TMEM117: variants seen among roughly 807,000 people sequenced by gnomAD.
TMEM117 encodes transmembrane protein 117.
A neutral mutation model predicts 52.4 loss-of-function variants in TMEM117; 27 were observed. The observed-to-expected ratio is 0.51, with a 90% CI of 0.38 to 0.71. The LOEUF (loss-of-function observed/expected upper bound fraction) is 0.71. TMEM117 is among the 30% of genes least tolerant of loss of function. TMEM117 has a pLI of 0.00. For missense variants in TMEM117, 556 were observed against 630.5 expected (o/e 0.88, Z 1.26); for synonymous variants, 215 against 206.3 (o/e 1.04, Z -0.36).
chr12:44,335,247 A>C (rs1951325814), intron 6 of TMEM117, among the ~76,000 whole-genome samples: 1 of 151,980 alleles, frequency 6.6e-6, no homozygotes, highest in Non-Finnish European at 1.5e-5. Flanking sequence ...AGGTGGGGTC[A>C]GAAATATGGA....
At chr12:44,040,383 T>G (rs1946777750) in intron 3 of TMEM117, among the ~76,000 whole-genome samples, 1 of 152,156 alleles carries the variant, frequency 6.6e-6, no homozygotes, top group African/African-American at 2.4e-5. Context: ...CACTGTTTAG[T>G]TTCTTTATGT....
chr12:44,144,990 T>A, intron 4 of TMEM117, among the ~76,000 whole-genome samples: 2 of 151,936 alleles, frequency 1.3e-5, no homozygotes, highest in African/African-American at 4.8e-5. Flanking sequence ...ACCCCATCTC[T>A]ACTAAAAATA....
intron 5 of TMEM117, among the ~76,000 whole-genome samples, chr12:44,238,600 T>C (rs558355128): frequency 2.6e-5 from 4 of 152,058 alleles, no homozygotes; most frequent in Admixed American, 6.6e-5. Flanking sequence ...TGCTTGTGAA[T>C]AGCCACTACA....
intron 3 of TMEM117, among the ~76,000 whole-genome samples, chr12:44,044,882 G>A (rs1946856301): frequency 6.6e-6 from 1 of 152,216 alleles, no homozygotes; most frequent in African/African-American, 2.4e-5. Context: ...CTGATTCATG[G>A]GCTGTAGCCA....
intron 5 of TMEM117, among the ~76,000 whole-genome samples, chr12:44,230,105 T>G (rs988277637): frequency 1.3e-5 from 2 of 152,086 alleles, no homozygotes; most frequent in African/African-American, 4.8e-5. Flanking sequence ...TGGTATTTTT[T>G]TTACTGACTC....
intron 6 of TMEM117, among the ~76,000 whole-genome samples, chr12:44,307,151 C>G (rs1191584315): frequency 6.6e-6 from 1 of 152,150 alleles, no homozygotes; most frequent in African/African-American, 2.4e-5. Context: ...TAGAGCATTT[C>G]TTTTGAGGTC....
chr12:44,044,272 C>A (rs200046989), intron 3 of TMEM117, among the ~76,000 whole-genome samples: 2 of 152,318 alleles, frequency 1.3e-5, no homozygotes, highest in East Asian at 1.9e-4. Context: ...ACAGGTGAAT[C>A]ACACCAGTGT....
In TMEM117 at chr12:43,836,209, G is replaced by GCCC. The variant is rs1943025568; in HGVS notation, c.-29+14_-29+16dup. ...CGCGACCCTTCGGGTGAGTACGTGG[G>GCCC]CCCGGGCGTTGGGCGAGCCTCCCCA... On this transcript the variant is annotated intron_variant, in intron 1 of 7. Coordinates refer to ENST00000266534, the MANE Select transcript of TMEM117 (RefSeq NM_032256.3). 6.6e-6 allele frequency: 1 copy of GCCC among 152,190 alleles called. No individual in the cohort carries two copies. Among genetic ancestry groups the GCCC allele is most frequent in the Admixed American group, 6.5e-5 (1 of 15,286 alleles). The allele number at this position is 152,190 out of a possible 1,614,324, so 9.4% of individuals were successfully genotyped here.
intron 3 of TMEM117, among the ~76,000 whole-genome samples, chr12:44,138,061 A>G (rs1383885007): frequency 6.6e-6 from 1 of 152,122 alleles, no homozygotes; most frequent in African/African-American, 2.4e-5. Context: ...ATAGATAAGG[A>G]AATGGATGAT....
At chr12:44,205,357 A>G (rs1292525660) in intron 4 of TMEM117, among the ~76,000 whole-genome samples, 1 of 152,170 alleles carries the variant, frequency 6.6e-6, no homozygotes, top group Non-Finnish European at 1.5e-5. Context: ...GCCTTCTGCC[A>G]TGATTGTGAG....
At chr12:43,811,656 A>G in the TMEM117 span, among the ~76,000 whole-genome samples, 3,662 of 152,348 alleles carry the variant, frequency 0.024, 72 homozygotes, top group South Asian at 0.072. Flanking sequence ...TTAGTACAAC[A>G]GGGATGCTGT....
intron 6 of TMEM117, among the ~76,000 whole-genome samples, chr12:44,333,051 G>T (rs190198390): frequency 5.9e-5 from 9 of 152,122 alleles, no homozygotes; most frequent in Non-Finnish European, 1.3e-4. Flanking sequence ...AGATGTAAAT[G>T]ATTACTGAAG....
rs571287359 is a variant in TMEM117 at position 44,088,403 on chromosome 12, T to C, written c.411-55122T>C. 3.9e-5 allele frequency among the ~76,000 whole-genome samples: 6 copies of C among 152,322 alleles called. No individual in the cohort carries two copies. The East Asian group carries it at 9.7e-4, about 25-fold the overall frequency. On this transcript the variant is annotated intron_variant, in intron 3 of 7. Transcript: ENST00000266534. Reference sequence around the variant, plus strand: ...AATTATATTCAGGGAAATTAAGTGATTGTCTCACTCAACTAATAAAATTAA... The same window carrying C: ...AATTATATTCAGGGAAATTAAGTGACTGTCTCACTCAACTAATAAAATTAA...
chr12:43,867,735 A>G (rs73096982), intron 2 of TMEM117, among the ~76,000 whole-genome samples: 4,161 of 152,324 alleles, frequency 0.027, 63 homozygotes, highest in Middle Eastern at 0.082. Flanking sequence ...GAAAGGGTCA[A>G]TTCATCTGCA....
chr12:44,212,141 G>T (rs1336999045), intron 5 of TMEM117, among the ~76,000 whole-genome samples: 1 of 152,084 alleles, frequency 6.6e-6, no homozygotes, highest in African/African-American at 2.4e-5. Context: ...GTTACCCTTG[G>T]TCGACTGCAG....
intron 6 of TMEM117, among the ~76,000 whole-genome samples, chr12:44,355,255 A>G (rs142563270): frequency 1.1e-3 from 165 of 152,162 alleles, no homozygotes; most frequent in African/African-American, 3.8e-3. Flanking sequence ...GACTGATCAA[A>G]TTTGTGTTTG....
intron 6 of TMEM117, among the ~76,000 whole-genome samples, chr12:44,366,545 A>G (rs971794162): frequency 6.6e-6 from 1 of 152,052 alleles, no homozygotes; most frequent in African/African-American, 2.4e-5. Flanking sequence ...TTCCTCTCTT[A>G]CATGAGGATG....
intron 4 of TMEM117, among the ~76,000 whole-genome samples, chr12:44,167,035 G>T (rs966470464): frequency 6.6e-6 from 1 of 152,090 alleles, no homozygotes; most frequent in African/African-American, 2.4e-5. Flanking sequence ...GTCTCTTGTG[G>T]GATTATTACA....
At chr12:43,997,981 G>A (rs1200105637) in intron 3 of TMEM117, among the ~76,000 whole-genome samples, 1 of 152,202 alleles carries the variant, frequency 6.6e-6, no homozygotes, top group Non-Finnish European at 1.5e-5. Flanking sequence ...TTCTGTGATA[G>A]AGCTGGTTCT....
Sources: allele counts gnomAD v4.1 joint callset (sites outside exome capture counted in the v4.1 genomes callset), GRCh38; gene constraint gnomAD v4.1.1; transcripts MANE v1.5; gene names NCBI Gene and HGNC (gene_info 2026-07-23, HGNC 2026-07-21).